Variants in SEMA3A observed in about 807,000 individuals in gnomAD.
SEMA3A encodes semaphorin 3A, also known as semaphorin-3A.
A neutral mutation model predicts 97.9 loss-of-function variants in SEMA3A; 29 were observed. The observed-to-expected ratio is 0.30, with a 90% CI of 0.22 to 0.40. The LOEUF (loss-of-function observed/expected upper bound fraction) is 0.40, where lower values mean the gene tolerates loss of function less well. SEMA3A is among the 10% of genes least tolerant of loss of function. SEMA3A has a pLI of 1.00. For missense variants in SEMA3A, 763 were observed against 951.3 expected (o/e 0.80, Z 2.60); for synonymous variants, 321 against 323.7 (o/e 0.99, Z 0.09).
chr7:84,064,051 T>A (rs1463911285), intron 4 of SEMA3A, among the ~76,000 whole-genome samples: 1 of 152,074 alleles, frequency 6.6e-6, no homozygotes, highest in Non-Finnish European at 1.5e-5. Flanking sequence ...GGGAAGCCCA[T>A]CAGACTAACA....
At chr7:84,347,133 T>C (rs1443588981) in intron 2 of SEMA3A, among the ~76,000 whole-genome samples, 1 of 152,188 alleles carries the variant, frequency 6.6e-6, no homozygotes, top group Non-Finnish European at 1.5e-5. Context: ...GTCAGCAGTT[T>C]CCCATAAAAG....
intron 5 of SEMA3A, among the ~76,000 whole-genome samples, chr7:84,055,877 G>A (rs924018200): frequency 6.6e-6 from 1 of 152,106 alleles, no homozygotes; most frequent in East Asian, 1.9e-4. Context: ...ACATACTTTA[G>A]AGCTGTTCAC....
At chr7:84,051,660 G>C (rs1792661325) in intron 5 of SEMA3A, among the ~76,000 whole-genome samples, 1 of 152,062 alleles carries the variant, frequency 6.6e-6, no homozygotes. Flanking sequence ...CTGCAAACAG[G>C]GACAATTTGA....
intron 3 of SEMA3A, among the ~76,000 whole-genome samples, chr7:84,236,628 T>C (rs891586608): frequency 2.6e-5 from 4 of 152,260 alleles, no homozygotes; most frequent in African/African-American, 9.6e-5. Context: ...CCCATTCTCC[T>C]AAGAGCAAGA....
At chr7:84,203,526 A>ATATATTTTTTTTTTTTT (rs372380784) in intron 3 of SEMA3A, among the ~76,000 whole-genome samples, 1 of 25,674 alleles carries the variant, frequency 3.9e-5, no homozygotes, top group African/African-American at 1.3e-4. Flanking sequence ...ATATATATAT[A>ATATATTTTTTTTTTTTT]TTTTTTTTTT....
At chr7:84,289,639 T>C (rs1285761677) in intron 3 of SEMA3A, among the ~76,000 whole-genome samples, 1 of 152,076 alleles carries the variant, frequency 6.6e-6, no homozygotes, top group African/African-American at 2.4e-5. Context: ...AGCAAGGATA[T>C]TGAGAACTTG....
At chr7:84,319,483 T>G (rs1440868371) in intron 2 of SEMA3A, among the ~76,000 whole-genome samples, 1 of 152,130 alleles carries the variant, frequency 6.6e-6, no homozygotes, top group East Asian at 1.9e-4. Flanking sequence ...TCAGTAAAAG[T>G]TACTAAGAAT....
chr7:84,223,348 T>C (rs1798922152), intron 3 of SEMA3A, among the ~76,000 whole-genome samples: 1 of 151,834 alleles, frequency 6.6e-6, no homozygotes, highest in Admixed American at 6.6e-5. Context: ...TGCATGTATA[T>C]ACATATATAT....
intron 15 of SEMA3A, among the ~76,000 whole-genome samples, chr7:83,970,172 A>G (rs940198977): frequency 6.6e-6 from 1 of 152,172 alleles, no homozygotes. Flanking sequence ...ATGTTTCAAT[A>G]TGTTGCAGCT....
chr7:84,238,535 C>T (rs1212168402), intron 3 of SEMA3A, among the ~76,000 whole-genome samples: 2 of 152,088 alleles, frequency 1.3e-5, no homozygotes, highest in Non-Finnish European at 2.9e-5. Context: ...GAATAAATTA[C>T]TGATAATCAC....
intron 6 of SEMA3A, among the ~76,000 whole-genome samples, chr7:84,028,038 C>T (rs1162304894): frequency 6.6e-6 from 1 of 152,100 alleles, no homozygotes; most frequent in Non-Finnish European, 1.5e-5. Flanking sequence ...CATTATTAAT[C>T]ATGTAAGAAG....
At chr7:84,357,738 T>C (rs538109012) in intron 2 of SEMA3A, among the ~76,000 whole-genome samples, 2 of 151,754 alleles carry the variant, frequency 1.3e-5, no homozygotes, top group Non-Finnish European at 2.9e-5. Flanking sequence ...TTGAACTACT[T>C]TACAGTCCCA....
chr7:84,102,829 C>T lies in SEMA3A; in HGVS notation c.453+7641G>A, dbSNP rs555730036. The stretch of plus-strand genomic sequence containing the variant: ...CTCCTGACCTCAAATGATCCGCCCA[C>T]CTCAGCCTCCCAAAGTGCTGGGATT... On this transcript the variant is annotated intron_variant, in intron 4 of 16. Coordinates refer to ENST00000265362, the MANE Select transcript of SEMA3A (RefSeq NM_006080.3). Among the ~76,000 whole-genome samples the T allele has an allele frequency of 3.1e-4, 47 of 152,026 alleles. 1 individual carries two copies. In the South Asian group the frequency reaches 3.5e-3, roughly 11 times the overall value.
chr7:83,984,608 C>CTTTTTTTTTTTT (rs371082897), intron 13 of SEMA3A, among the ~76,000 whole-genome samples: 3 of 98,880 alleles, frequency 3.0e-5, no homozygotes, highest in Non-Finnish European at 3.9e-5. Context: ...GATTTTTCTG[C>CTTTTTTTTTTTT]TTTTTTTTTT....
At chr7:84,468,193 C>G (rs375304571) in intron 1 of SEMA3A, among the ~76,000 whole-genome samples, 1 of 152,202 alleles carries the variant, frequency 6.6e-6, no homozygotes, top group East Asian at 1.9e-4. Context: ...GGAACACTCT[C>G]TTCCCCCCAC....
chr7:84,207,842 T>C (rs1489180270), intron 3 of SEMA3A, among the ~76,000 whole-genome samples: 1 of 152,100 alleles, frequency 6.6e-6, no homozygotes, highest in Non-Finnish European at 1.5e-5. Flanking sequence ...AAAGAAAGAC[T>C]GCTGTGAGAG....
At chr7:83,965,750 G>A (rs1267100238) in intron 15 of SEMA3A, among the ~76,000 whole-genome samples, 1 of 126,308 alleles carries the variant, frequency 7.9e-6, no homozygotes, top group African/African-American at 3.1e-5. Context: ...GTGCGATCTC[G>A]GCTCACTGCA....
At chr7:84,020,651 T>G (rs1247633191) in intron 6 of SEMA3A, among the ~76,000 whole-genome samples, 2 of 152,138 alleles carry the variant, frequency 1.3e-5, no homozygotes, top group Non-Finnish European at 2.9e-5. Context: ...AAATAAAATG[T>G]TATTTTACCT....
At chr7:84,095,698 T>C (rs1381487887) in intron 4 of SEMA3A, among the ~76,000 whole-genome samples, 1 of 151,648 alleles carries the variant, frequency 6.6e-6, no homozygotes, top group Non-Finnish European at 1.5e-5. Context: ...GTCCACTGAA[T>C]GCAGAGGTGT....
Sources: gnomAD v4.1 joint callset for allele counts (sites outside exome capture counted in the v4.1 genomes callset) on GRCh38, gnomAD v4.1.1 for gene constraint, MANE v1.5 for transcripts, NCBI Gene and HGNC (gene_info 2026-07-23, HGNC 2026-07-21) for gene names.